Variants in TSPAN15 observed in about 807,000 individuals in gnomAD.
TSPAN15 encodes tetraspanin-15.
Under a neutral mutation model 34.5 loss-of-function variants are expected in TSPAN15, and 20 were observed. The observed-to-expected ratio is 0.58, with a 90% CI of 0.41 to 0.84. TSPAN15 has a LOEUF of 0.84. Among genes scored for constraint, TSPAN15 ranks in the 40% least tolerant of loss-of-function variants. The pLI, the probability that TSPAN15 is intolerant of heterozygous loss-of-function variation, is 0.00. For missense variants in TSPAN15, 313 were observed against 386.1 expected, an observed-to-expected ratio of 0.81 and a Z score of 1.59; for synonymous variants, 155 against 153.9, an observed-to-expected ratio of 1.01 and a Z score of -0.05.
Position 69,473,589 on chromosome 10 carries a change from G to A in TSPAN15, c.97-10102G>A, listed in dbSNP as rs770548103. ...TTGAGGGGAATTTCCATGGACTCCC[G>A]GAGCAGTAGAGCAACCCTTGGGGTT... On this transcript the variant is annotated intron_variant, in intron 1 of 7. Coordinates refer to ENST00000373290, the MANE Select transcript of TSPAN15 (RefSeq NM_012339.5). Among the ~76,000 whole-genome samples the A allele has an allele frequency of 4.6e-5, 7 of 152,230 alleles. 1 individual carries two copies. The highest frequency in any genetic ancestry group is 4.2e-4 in the South Asian group (2 of 4,812).
chr10:69,466,727 CT>C (rs1298473261), intron 1 of TSPAN15, among the ~76,000 whole-genome samples: 2 of 152,206 alleles, frequency 1.3e-5, no homozygotes, highest in African/African-American at 4.8e-5. Flanking sequence ...AGTGTGGCAC[CT>C]CTTGGTCAGG....
the TSPAN15 span, among the ~76,000 whole-genome samples, chr10:69,531,968 A>T: frequency 2.6e-5 from 4 of 151,318 alleles, no homozygotes; most frequent in Non-Finnish European, 5.9e-5. Flanking sequence ...AAAACTTAGG[A>T]ATATTAACAA....
chr10:69,535,031 A>G, the TSPAN15 span, among the ~76,000 whole-genome samples: 1 of 152,138 alleles, frequency 6.6e-6, no homozygotes, highest in Non-Finnish European at 1.5e-5. Context: ...TGAATTGGAA[A>G]ACCCCGTATG....
the TSPAN15 span, among the ~76,000 whole-genome samples, chr10:69,543,844 AGTGTGTGTGTGTGTGT>A: frequency 1.0e-3 from 74 of 73,808 alleles, no homozygotes; most frequent in Admixed American, 4.5e-3. Flanking sequence ...GAAGAAGGGG[AGTGTGTGTGTGTGTGT>A]GTGTGTGTGT....
intron 1 of TSPAN15, among the ~76,000 whole-genome samples, chr10:69,459,592 A>G (rs1051563219): frequency 6.6e-6 from 1 of 152,146 alleles, no homozygotes; most frequent in Non-Finnish European, 1.5e-5. Context: ...GGTCGCAAGC[A>G]TGGCTACAGC....
At chr10:69,488,066 A>G (rs1038211578) in intron 3 of TSPAN15, among the ~76,000 whole-genome samples, 12 of 152,216 alleles carry the variant, frequency 7.9e-5, no homozygotes, top group Non-Finnish European at 1.5e-4. Context: ...AGGTCTACAA[A>G]AAGACTTAAA....
At chr10:69,542,413 C>G in the TSPAN15 span, among the ~76,000 whole-genome samples, 1 of 152,202 alleles carries the variant, frequency 6.6e-6, no homozygotes, top group African/African-American at 2.4e-5. Context: ...TCCAAAGTTA[C>G]GTCCACATTT....
At chr10:69,461,902 A>G (rs763147017) in intron 1 of TSPAN15, among the ~76,000 whole-genome samples, 5 of 151,440 alleles carry the variant, frequency 3.3e-5, no homozygotes, top group Non-Finnish European at 5.9e-5. Flanking sequence ...ACAAGAACAC[A>G]TGTCCACCAC....
the TSPAN15 span, among the ~76,000 whole-genome samples, chr10:69,528,945 C>T: frequency 6.8e-6 from 1 of 148,070 alleles, no homozygotes; most frequent in South Asian, 2.1e-4. Flanking sequence ...CCACTCCAGT[C>T]CGTGGGACCG....
chr10:69,489,569 G>C (rs60372179), intron 3 of TSPAN15, among the ~76,000 whole-genome samples: 30,838 of 152,190 alleles, frequency 0.2, 3,344 homozygotes, highest in South Asian at 0.26. Flanking sequence ...TGGGGTCCCT[G>C]ACTTCCCGCA....
At chr10:69,533,549 C>T in the TSPAN15 span, among the ~76,000 whole-genome samples, 1 of 152,080 alleles carries the variant, frequency 6.6e-6, no homozygotes, top group East Asian at 1.9e-4. Flanking sequence ...TAAAAGATTA[C>T]AAATAGGGTG....
the TSPAN15 span, among the ~76,000 whole-genome samples, chr10:69,539,437 A>AG: frequency 7.5e-6 from 1 of 133,526 alleles, no homozygotes; most frequent in African/African-American, 3.0e-5. Context: ...AAGAAGAAGA[A>AG]GAAGGAAGAA....
Position 69,464,335 on chromosome 10 carries a change from C to T in TSPAN15, c.96+12645C>T, listed in dbSNP as rs181671335. 2.1e-3 allele frequency among the ~76,000 whole-genome samples: 316 copies of T among 152,310 alleles called. 1 individual carries two copies. Among genetic ancestry groups the T allele is most frequent in the African/African-American group, 7.1e-3 (295 of 41,570 alleles). On this transcript the variant is annotated intron_variant, in intron 1 of 7. Coordinates refer to ENST00000373290, the MANE Select transcript of TSPAN15 (RefSeq NM_012339.5). The stretch of plus-strand genomic sequence containing the variant: ...AACTGAGCAGGGAGGGCCCTGAGAA[C>T]CACCTTCCTTCTGTGGGTTGTGCTG...
chr10:69,473,222 C>T (rs1308084485), intron 1 of TSPAN15, among the ~76,000 whole-genome samples: 10 of 152,152 alleles, frequency 6.6e-5, no homozygotes, highest in Non-Finnish European at 1.5e-4. Context: ...TGCAGTGGCA[C>T]GATCATGGCT....
At chr10:69,490,154 A>G (rs1052078750) in intron 3 of TSPAN15, among the ~76,000 whole-genome samples, 2 of 152,120 alleles carry the variant, frequency 1.3e-5, no homozygotes. Context: ...CAGCCTGCCT[A>G]TTTTATCATG....
the TSPAN15 span, among the ~76,000 whole-genome samples, chr10:69,539,482 G>GAGAAGAAGAAGAAGAAGAAGA: frequency 4.0e-4 from 27 of 67,054 alleles, no homozygotes; most frequent in Middle Eastern, 6.0e-3. Context: ...GAAGGAGAAG[G>GAGAAGAAGAAGAAGAAGAAGA]AGAAGAAGAA....
chr10:69,478,090 C>T (rs745919216), intron 1 of TSPAN15, among the ~76,000 whole-genome samples: 2 of 152,196 alleles, frequency 1.3e-5, no homozygotes, highest in Non-Finnish European at 2.9e-5. Context: ...GCCTCTGCTG[C>T]TCCCGCCAGC....
chr10:69,512,463 A>G (rs182171232), downstream of TSPAN15, among the ~76,000 whole-genome samples: 1 of 152,364 alleles, frequency 6.6e-6, no homozygotes, highest in East Asian at 1.9e-4. Context: ...GATATAAAAT[A>G]AACTGCGTGT....
intron 1 of TSPAN15, among the ~76,000 whole-genome samples, chr10:69,455,032 G>A (rs1415851037): frequency 3.3e-5 from 5 of 151,702 alleles, no homozygotes; most frequent in African/African-American, 1.2e-4. Context: ...GTATGGTGGC[G>A]TGTGCCTGTA....
Sources: allele counts gnomAD v4.1 joint callset (sites outside exome capture counted in the v4.1 genomes callset), GRCh38; gene constraint gnomAD v4.1.1; transcripts MANE v1.5; gene names NCBI Gene and HGNC (gene_info 2026-07-23, HGNC 2026-07-21).